Variants in BRD10 observed in about 807,000 individuals in gnomAD.
BRD10 encodes uncharacterized bromodomain-containing protein 10.
chr9:5,913,772 C>A, the BRD10 span: 1 of 194,816 alleles, frequency 5.1e-6, no homozygotes, highest in Non-Finnish European at 1.1e-5. Flanking sequence ...TAAATGTTTC[C>A]TTAAAAAGGC....
At chr9:6,002,534 T>C in the BRD10 span, among the ~76,000 whole-genome samples, 16 of 152,298 alleles carry the variant, frequency 1.1e-4, no homozygotes, top group Non-Finnish European at 1.5e-4. Context: ...AATTACTTTA[T>C]AGGTTTTGAT....
chr9:5,884,089 G>A, the BRD10 span, among the ~76,000 whole-genome samples: 9 of 152,138 alleles, frequency 5.9e-5, no homozygotes, highest in African/African-American at 1.9e-4. Context: ...TCTCCTTTTT[G>A]TCCCTTCATA....
chr9:5,967,706 A>AC, the BRD10 span, among the ~76,000 whole-genome samples: 1 of 151,208 alleles, frequency 6.6e-6, no homozygotes, highest in African/African-American at 2.4e-5. Flanking sequence ...AAAAAAAAAA[A>AC]AAAAACACAC....
At chr9:5,921,172 G>C in the BRD10 span, 2 of 1,613,872 alleles carry the variant, frequency 1.2e-6, no homozygotes, top group Non-Finnish European at 1.7e-6. Context: ...TGCTACTTTT[G>C]TCTTCTCCTT....
the BRD10 span, among the ~76,000 whole-genome samples, chr9:5,961,247 G>A: frequency 3.3e-5 from 5 of 152,200 alleles, no homozygotes; most frequent in Non-Finnish European, 7.4e-5. Flanking sequence ...CGAAGGAGAA[G>A]TGTCTGGTGC....
At chr9:5,971,224 C>T in the BRD10 span, among the ~76,000 whole-genome samples, 4 of 152,072 alleles carry the variant, frequency 2.6e-5, no homozygotes, top group Non-Finnish European at 5.9e-5. Flanking sequence ...TACTCCAAAA[C>T]TACTTGGATG....
chr9:5,895,985 T>G, the BRD10 span, among the ~76,000 whole-genome samples: 1 of 152,228 alleles, frequency 6.6e-6, no homozygotes, highest in East Asian at 1.9e-4. Flanking sequence ...TTGAATCAGC[T>G]GCCTTCAGTC....
chr9:5,906,266 G>A, the BRD10 span, among the ~76,000 whole-genome samples: 1 of 150,432 alleles, frequency 6.6e-6, no homozygotes, highest in Non-Finnish European at 1.5e-5. Flanking sequence ...GGACGCAGAG[G>A]TTGCAGTGAG....
At chr9:5,956,914 T>A in the BRD10 span, among the ~76,000 whole-genome samples, 1 of 152,096 alleles carries the variant, frequency 6.6e-6, no homozygotes, top group Non-Finnish European at 1.5e-5. Context: ...TAAGAAGTGA[T>A]CCCTAAATAC....
the BRD10 span, among the ~76,000 whole-genome samples, chr9:5,951,311 A>G: frequency 2.3e-5 from 3 of 131,596 alleles, no homozygotes; most frequent in African/African-American, 8.3e-5. Flanking sequence ...AAACATTTTT[A>G]AAAACTCATT....
the BRD10 span, chr9:5,923,043 G>C: frequency 6.2e-7 from 1 of 1,613,990 alleles, no homozygotes; most frequent in Non-Finnish European, 8.5e-7. Context: ...AATGACTCTG[G>C]AAATGATGGC....
chr9:5,995,090 G>C, the BRD10 span, among the ~76,000 whole-genome samples: 1 of 151,900 alleles, frequency 6.6e-6, no homozygotes, highest in East Asian at 1.9e-4. Flanking sequence ...CAATAGAGAC[G>C]GGGTTTCTCC....
the BRD10 span, among the ~76,000 whole-genome samples, chr9:5,990,298 T>C: frequency 6.6e-6 from 1 of 152,234 alleles, no homozygotes; most frequent in Non-Finnish European, 1.5e-5. Context: ...ATTAGCTATA[T>C]AATTTTAACT....
chr9:5,959,832 T>C, the BRD10 span, among the ~76,000 whole-genome samples: 1 of 152,206 alleles, frequency 6.6e-6, no homozygotes, highest in South Asian at 2.1e-4. Flanking sequence ...CAATGGAATC[T>C]TGATTCAATT....
chr9:5,889,989 T>C, the BRD10 span, among the ~76,000 whole-genome samples: 1 of 152,168 alleles, frequency 6.6e-6, no homozygotes, highest in African/African-American at 2.4e-5. Flanking sequence ...AGAGAACTCA[T>C]GGAGCTCAGC....
chr9:5,971,052 C>CAAAAAAAAAAAAAAAAAAAA, the BRD10 span, among the ~76,000 whole-genome samples: 3 of 43,198 alleles, frequency 6.9e-5, 1 homozygote. Flanking sequence ...AGCAACGTCT[C>CAAAAAAAAAAAAAAAAAAAA]AAAAAAAAAA....
chr9:5,965,184 T>C, the BRD10 span, among the ~76,000 whole-genome samples: 4 of 151,926 alleles, frequency 2.6e-5, no homozygotes, highest in African/African-American at 7.3e-5. Context: ...TAACCACATG[T>C]AGAACTTAGT....
chr9:5,960,606 A>AG, the BRD10 span, among the ~76,000 whole-genome samples: 2 of 151,592 alleles, frequency 1.3e-5, no homozygotes, highest in Non-Finnish European at 2.9e-5. Context: ...TGACTATTTG[A>AG]GGGGGGAAAA....
the BRD10 span, among the ~76,000 whole-genome samples, chr9:5,907,902 G>A: frequency 8.5e-5 from 13 of 152,310 alleles, no homozygotes; most frequent in East Asian, 1.2e-3. Flanking sequence ...GCAGTGAGCC[G>A]AGATAGTGCC....
Sources: gnomAD v4.1 joint callset for allele counts (sites outside exome capture counted in the v4.1 genomes callset) on GRCh38, gnomAD v4.1.1 for gene constraint, MANE v1.5 for transcripts, NCBI Gene and HGNC (gene_info 2026-07-23, HGNC 2026-07-21) for gene names.